SLC18B1: variants seen among roughly 807,000 people sequenced by gnomAD.
SLC18B1 encodes MFS-type transporter SLC18B1.
SLC18B1 carries 62 observed loss-of-function variants against 53.9 expected under a neutral mutation model. The ratio of observed to expected loss-of-function variants is 1.15; its 90% CI spans 0.94 to 1.42. SLC18B1 has a LOEUF of 1.42. Among genes scored for constraint, SLC18B1 ranks in the 40% most tolerant of loss-of-function variants. SLC18B1 has a pLI of 0.00. For synonymous variants in SLC18B1, 217 were observed against 200.9 expected (o/e 1.08, Z -0.68); for missense variants, 598 against 547.3 (o/e 1.09, Z -0.93).
At chr6:132,783,154 G>A (rs1308891012) in intron 6 of SLC18B1, among the ~76,000 whole-genome samples, 2 of 141,788 alleles carry the variant, frequency 1.4e-5, no homozygotes, top group African/African-American at 6.3e-5. Context: ...ATCAATCCTA[G>A]AGATTTTTTT....
Position 132,774,308 on chromosome 6 carries a change from T to C in SLC18B1, c.903A>G (p.Leu301=), listed in dbSNP as rs747085490. Residue 301 remains leucine (L), a synonymous_variant, in exon 9 of 14, where the codon CTA becomes CTG. Transcript: ENST00000275227. ...FGLLSDKRPP[L]RKWLLVFGNL... ...TGCCAAACACCAGAAGCCATTTCCT[T>C]AGAGGCTGGTAAAGGAGAAAGAGAG... is the stretch of plus-strand genomic sequence containing the variant. 4 of 1,612,144 alleles carry C rather than the reference T, an allele frequency of 2.5e-6. No homozygotes were observed. Among genetic ancestry groups the C allele is most frequent in the Non-Finnish European group, 3.4e-6 (4 of 1,178,762 alleles).
intron 2 of SLC18B1, 30 bp downstream of exon 2, chr6:132,796,952 A>G (rs760818855): frequency 1.3e-6 from 2 of 1,565,536 alleles, no homozygotes; most frequent in South Asian, 1.2e-5. Flanking sequence ...ACAAAAAAAC[A>G]GAGGTCCTAA....
intron 10 of SLC18B1, 30 bp downstream of exon 10, chr6:132,772,963 A>G (rs1781012749): frequency 1.3e-6 from 2 of 1,494,182 alleles, no homozygotes; most frequent in African/African-American, 2.8e-5. Context: ...TATTCACAAT[A>G]CAGCTCTTCA....
intron 2 of SLC18B1, among the ~76,000 whole-genome samples, chr6:132,794,397 C>G (rs906383631): frequency 6.6e-6 from 1 of 151,188 alleles, no homozygotes; most frequent in African/African-American, 2.5e-5. Flanking sequence ...AGCCACCATG[C>G]CTGGCATTAT....
At chr6:132,790,303 C>A in intron 2 of SLC18B1, 31 bp from the exon 3 acceptor site, 2 of 1,459,316 alleles carry the variant, frequency 1.4e-6, no homozygotes, top group South Asian at 2.7e-5. Flanking sequence ...AACAAAGTTT[C>A]AAAGAAAAAT....
In SLC18B1 at chr6:132,796,070, C is replaced by G. The variant is rs547551828; in HGVS notation, c.183+912G>C. Among the ~76,000 whole-genome samples the G allele has an allele frequency of 2.6e-5, 4 of 151,736 alleles. No homozygotes were observed. The East Asian group carries it at 7.8e-4, about 29-fold the overall frequency. On this transcript the variant is annotated intron_variant, in intron 2 of 13. Transcript: ENST00000275227. ...TCTACTAAAAATACAAAAATTCGGC[C>G]GGGCACGGTGACTCACGCCTGTAAT...
rs766599537 is a variant in SLC18B1 at position 132,790,160 on chromosome 6, A to G, written c.279+17T>C. 1 of 1,521,410 alleles carries G rather than the reference A, an allele frequency of 6.6e-7. No homozygotes were observed. The highest frequency in any genetic ancestry group is 8.9e-7 in the Non-Finnish European group (1 of 1,129,078). The allele number at this position is 1,521,410 out of a possible 1,614,324, so 94.2% of individuals were successfully genotyped here. On this transcript the variant is annotated intron_variant, in intron 3 of 13. Coordinates refer to ENST00000275227, the MANE Select transcript of SLC18B1 (RefSeq NM_052831.3). ...AATTTTTAAAAATTAAGATGTGCAT[A>G]TGAACTTTATACTTACATAGTTTCC...
intron 5 of SLC18B1, among the ~76,000 whole-genome samples, chr6:132,787,154 AT>A (rs200887091): frequency 4.6e-5 from 7 of 150,804 alleles, no homozygotes; most frequent in Middle Eastern, 3.2e-3. Flanking sequence ...ACAAAGGAAA[AT>A]TTTTTTTTTA....
chr6:132,772,572 G>A (rs1217799697), intron 10 of SLC18B1, among the ~76,000 whole-genome samples: 1 of 152,054 alleles, frequency 6.6e-6, no homozygotes, highest in Non-Finnish European at 1.5e-5. Flanking sequence ...GAGAACTATT[G>A]AACTGACCCA....
At chr6:132,790,929 A>G (rs927583114) in intron 2 of SLC18B1, among the ~76,000 whole-genome samples, 5 of 152,212 alleles carry the variant, frequency 3.3e-5, no homozygotes, top group African/African-American at 1.2e-4. Flanking sequence ...AGCCTATTCT[A>G]TCAGGGAGCT....
At chr6:132,776,076 G>T (rs1781091882) in intron 8 of SLC18B1, among the ~76,000 whole-genome samples, 1 of 152,144 alleles carries the variant, frequency 6.6e-6, no homozygotes, top group African/African-American at 2.4e-5. Context: ...AATTAGAAAA[G>T]GAAAGTCTAA....
chr6:132,771,783 C>T (rs527458818), intron 11 of SLC18B1, among the ~76,000 whole-genome samples: 1 of 152,242 alleles, frequency 6.6e-6, no homozygotes, highest in Admixed American at 6.5e-5. Context: ...TATTTTCCAT[C>T]TTGCAAGTAT....
At chr6:132,793,902 C>A (rs1312978581) in intron 2 of SLC18B1, among the ~76,000 whole-genome samples, 1 of 152,034 alleles carries the variant, frequency 6.6e-6, no homozygotes, top group Admixed American at 6.6e-5. Context: ...TCATCATTTC[C>A]TATAAGCACA....
intron 5 of SLC18B1, 126 bp from the exon 6 acceptor site, chr6:132,784,215 A>G: frequency 1.7e-6 from 1 of 574,716 alleles, no homozygotes; most frequent in Non-Finnish European, 2.7e-6. Context: ...ATGGCCCCAA[A>G]ATTTAAATGC....
At chr6:132,791,709 C>T (rs1182716001) in intron 2 of SLC18B1, among the ~76,000 whole-genome samples, 1 of 152,088 alleles carries the variant, frequency 6.6e-6, no homozygotes, top group Non-Finnish European at 1.5e-5. Flanking sequence ...ACGATTTAAG[C>T]CCATAATTCT....
In SLC18B1 at chr6:132,769,790, T is replaced by G. The variant is rs1186427049; in HGVS notation, c.*480A>C. ...AAAACCTCAGGACAAAGAGAAAGTA[T>G]ATCTTTTAAAAACTGATTTCATAGT... On this transcript the variant is annotated 3_prime_UTR_variant, in exon 14 of 14. Coordinates refer to ENST00000275227, the MANE Select transcript of SLC18B1 (RefSeq NM_052831.3). 2 of 152,390 alleles carry G rather than the reference T, an allele frequency of 1.3e-5. No individual in the cohort carries two copies. The highest frequency in any genetic ancestry group is 2.4e-5 in the African/African-American group (1 of 41,468). 9.4% of individuals were successfully genotyped at this position (152,390 alleles called of 1,614,324 possible). A position where few individuals can be genotyped will look rare whatever the true frequency, so the allele number is the denominator to read the frequency against.
rs1476220246 is a variant in SLC18B1 at position 132,771,097 on chromosome 6, A to G, written c.1193T>C (p.Leu398Pro). Residue 398 changes from leucine (L) to proline (P), a missense_variant, in exon 12 of 14, where the codon CTG becomes CCG. Physicochemically the swap from Leu to Pro is moderately conservative, Grantham distance 98. Transcript: ENST00000275227. ...CCATTCAAAACCAATTTTCTCATAC[A>G]GAAATCCACCCAGCGTTGGTCCCAT... ...AFMGPTLGGF[L>P]YEKIGFEWAA... The G allele has an allele frequency of 1.2e-6, 2 of 1,614,070 alleles. No homozygotes were observed. The highest frequency in any genetic ancestry group is 1.7e-6 in the Non-Finnish European group (2 of 1,180,026).
intron 2 of SLC18B1, among the ~76,000 whole-genome samples, chr6:132,792,539 A>G (rs1781577727): frequency 6.6e-6 from 1 of 152,142 alleles, no homozygotes; most frequent in African/African-American, 2.4e-5. Context: ...CCTCATTATG[A>G]GCCAGAATCT....
chr6:132,780,349 T>C (rs1009611533), intron 6 of SLC18B1, among the ~76,000 whole-genome samples: 2 of 152,048 alleles, frequency 1.3e-5, no homozygotes, highest in Non-Finnish European at 2.9e-5. Flanking sequence ...TCCTCCCACC[T>C]CAGCCTCCCA....
Sources: allele counts gnomAD v4.1 joint callset (sites outside exome capture counted in the v4.1 genomes callset), GRCh38; gene constraint gnomAD v4.1.1; transcripts MANE v1.5; gene names NCBI Gene and HGNC (gene_info 2026-07-23, HGNC 2026-07-21).